NEGR1: variants seen among roughly 807,000 people sequenced by gnomAD.
NEGR1 encodes neuronal growth regulator 1.
A neutral mutation model predicts 40.9 loss-of-function variants in NEGR1; 10 were observed. That is an observed-to-expected ratio of 0.24 (90% CI 0.15 to 0.42). The LOEUF (loss-of-function observed/expected upper bound fraction) is 0.42, where lower values mean the gene tolerates loss of function less well. Ranked by LOEUF, NEGR1 falls within the 10% of genes least tolerant of loss-of-function variation. The probability of loss-of-function intolerance (pLI) is 1.00; values close to 1 mark genes in which losing one functional copy is unlikely to be tolerated. For synonymous variants in NEGR1, 185 were observed against 166.8 expected (o/e 1.11, Z -0.84); for missense variants, 352 against 438.9 (o/e 0.80, Z 1.77).
At chr1:72,042,862 C>G (rs901227543) in intron 1 of NEGR1, among the ~76,000 whole-genome samples, 1 of 152,008 alleles carries the variant, frequency 6.6e-6, no homozygotes, top group African/African-American at 2.4e-5. Flanking sequence ...AGGATCTAAA[C>G]TAGCTATAAC....
chr1:71,538,320 G>A (rs984136128), intron 6 of NEGR1, among the ~76,000 whole-genome samples: 1 of 151,602 alleles, frequency 6.6e-6, no homozygotes, highest in Non-Finnish European at 1.5e-5. Context: ...TCATTTCTAT[G>A]TATTTTGGAA....
intron 6 of NEGR1, among the ~76,000 whole-genome samples, chr1:71,437,428 ACT>A (rs1379536772): frequency 2.0e-5 from 3 of 152,136 alleles, no homozygotes; most frequent in African/African-American, 7.2e-5. Flanking sequence ...GTAAATGATA[ACT>A]CAATACAGCT....
At chr1:72,171,381 C>G (rs1226789182) in intron 1 of NEGR1, among the ~76,000 whole-genome samples, 1 of 152,124 alleles carries the variant, frequency 6.6e-6, no homozygotes, top group African/African-American at 2.4e-5. Context: ...AAAAGTATCC[C>G]TTTGCCCTTT....
chr1:71,501,990 T>G (rs577602112), intron 6 of NEGR1, among the ~76,000 whole-genome samples: 1 of 152,124 alleles, frequency 6.6e-6, no homozygotes, highest in Non-Finnish European at 1.5e-5. Flanking sequence ...AAGGAGGAAA[T>G]AAAAGTGATT....
intron 2 of NEGR1, among the ~76,000 whole-genome samples, chr1:71,928,817 T>C (rs1470026664): frequency 6.6e-6 from 1 of 152,030 alleles, no homozygotes; most frequent in Non-Finnish European, 1.5e-5. Flanking sequence ...TTGTTATCGG[T>C]AATTGAACTT....
chr1:72,145,311 A>T (rs1650865337), intron 1 of NEGR1, among the ~76,000 whole-genome samples: 1 of 152,130 alleles, frequency 6.6e-6, no homozygotes, highest in Non-Finnish European at 1.5e-5. Flanking sequence ...TTCTGACTTC[A>T]TTAAAGTATT....
At chr1:71,536,163 C>T (rs761096598) in intron 6 of NEGR1, among the ~76,000 whole-genome samples, 5 of 151,644 alleles carry the variant, frequency 3.3e-5, no homozygotes, top group Non-Finnish European at 4.4e-5. Flanking sequence ...ATTCTACCTA[C>T]GATGTAGACA....
intron 1 of NEGR1, among the ~76,000 whole-genome samples, chr1:72,005,558 A>C (rs775588158): frequency 6.6e-6 from 1 of 152,186 alleles, no homozygotes. Context: ...ATTTGTATTT[A>C]TTTGACATTT....
chr1:72,233,099 A>G (rs1449175722), intron 1 of NEGR1, among the ~76,000 whole-genome samples: 1 of 152,170 alleles, frequency 6.6e-6, no homozygotes, highest in Non-Finnish European at 1.5e-5. Context: ...ACACTGAAAT[A>G]CAGAGAAAGG....
chr1:71,976,249 T>C (rs974583572), intron 1 of NEGR1, among the ~76,000 whole-genome samples: 2 of 152,188 alleles, frequency 1.3e-5, no homozygotes, highest in Non-Finnish European at 2.9e-5. Flanking sequence ...CATCGTCATA[T>C]CATAACCTTG....
chr1:71,630,595 AC>A (rs1362235514), intron 4 of NEGR1, among the ~76,000 whole-genome samples: 1 of 151,754 alleles, frequency 6.6e-6, no homozygotes, highest in Non-Finnish European at 1.5e-5. Flanking sequence ...AAGTAATCCA[AC>A]AAGGTAGCCT....
intron 1 of NEGR1, among the ~76,000 whole-genome samples, chr1:72,162,190 G>A (rs1031292985): frequency 6.6e-5 from 10 of 151,912 alleles, no homozygotes; most frequent in African/African-American, 1.7e-4. Context: ...AGTGGCTCAC[G>A]CCTTTAATCT....
intron 6 of NEGR1, among the ~76,000 whole-genome samples, chr1:71,561,416 G>A (rs1648455073): frequency 6.6e-6 from 1 of 151,416 alleles, no homozygotes; most frequent in South Asian, 2.1e-4. Context: ...TGCTTAAAAG[G>A]GATTTTTTTT....
chr1:72,250,764 A>C (rs2100529704), intron 1 of NEGR1, among the ~76,000 whole-genome samples: 1 of 152,312 alleles, frequency 6.6e-6, no homozygotes, highest in South Asian at 2.1e-4. Context: ...TTAAAATCTC[A>C]GCCACTGAAA....
At chr1:72,035,305 T>C (rs1185730403) in intron 1 of NEGR1, among the ~76,000 whole-genome samples, 2 of 152,186 alleles carry the variant, frequency 1.3e-5, no homozygotes, top group Admixed American at 6.5e-5. Flanking sequence ...CCACTCTTCC[T>C]GTGTGTCCGT....
Position 71,698,117 on chromosome 1 carries a change from T to C in NEGR1, c.558A>G (p.Gln186=). 6.2e-7 allele frequency: 1 copy of C among 1,610,862 alleles called. No homozygotes were observed. The highest frequency in any genetic ancestry group is 2.2e-5 in the East Asian group (1 of 44,826). ...SPSAKPFENG[Q]YLDIYGITRD... Reference sequence around the variant, plus strand: ...TTGTAATTCCATAAATGTCCAAATATTGTCCATTTTCAAATGGTTTTGCTA... The same window carrying C: ...TTGTAATTCCATAAATGTCCAAATACTGTCCATTTTCAAATGGTTTTGCTA... Residue 186 remains glutamine (Q), a synonymous_variant, in exon 4 of 7, where the codon CAA becomes CAG. Transcript: ENST00000357731.
Position 71,768,782 on chromosome 1 carries a change from A to G in NEGR1, c.535+7390T>C, listed in dbSNP as rs536635355. On this transcript the variant is annotated intron_variant, in intron 3 of 6. Transcript: ENST00000357731. ...ATTGTAATCCCAATGTTGGAGGTGGAGTGTAGTGGGAAGTGATTGGATCAA... is the reference window on the plus strand; with the variant it reads ...ATTGTAATCCCAATGTTGGAGGTGGGGTGTAGTGGGAAGTGATTGGATCAA... Among the ~76,000 whole-genome samples, 7 of 152,178 alleles carry G rather than the reference A, an allele frequency of 4.6e-5. No homozygotes were observed. The East Asian group carries it at 1.4e-3, about 29-fold the overall frequency.
chr1:71,744,636 T>G (rs1655325004), intron 3 of NEGR1, among the ~76,000 whole-genome samples: 1 of 151,894 alleles, frequency 6.6e-6, no homozygotes, highest in Admixed American at 6.6e-5. Flanking sequence ...TTGAGAAGGG[T>G]GAAATTCACC....
At chr1:72,089,485 A>T (rs1001917408) in intron 1 of NEGR1, among the ~76,000 whole-genome samples, 5 of 152,220 alleles carry the variant, frequency 3.3e-5, no homozygotes, top group Admixed American at 6.5e-5. Flanking sequence ...ACTGTGATTG[A>T]TTAATTCGTA....
Sources: allele counts gnomAD v4.1 joint callset (sites outside exome capture counted in the v4.1 genomes callset), GRCh38; gene constraint gnomAD v4.1.1; transcripts MANE v1.5; gene names NCBI Gene and HGNC (gene_info 2026-07-23, HGNC 2026-07-21).